Variants in SLC30A4 observed in about 807,000 individuals in gnomAD.
The protein encoded by SLC30A4 is probable proton-coupled zinc antiporter SLC30A4.
In SLC30A4, 20 loss-of-function variants were observed where a neutral mutation model predicts 41.7. That is an observed-to-expected ratio of 0.48 (90% CI 0.34 to 0.70). SLC30A4 has a LOEUF of 0.70. Ranked by LOEUF, SLC30A4 falls within the 30% of genes least tolerant of loss-of-function variation. SLC30A4 has a pLI of 0.01. For synonymous variants in SLC30A4, 181 were observed against 195.9 expected, an observed-to-expected ratio of 0.92 and a Z score of 0.64; for missense variants, 441 against 529.3, an observed-to-expected ratio of 0.83 and a Z score of 1.64.
At chr15:45,520,820 A>G (rs1462168584) in intron 2 of SLC30A4, 2 of 326,434 alleles carry the variant, frequency 6.1e-6, no homozygotes, top group South Asian at 2.6e-5. Context: ...ATTCTCATAC[A>G]TATGTATGCA....
chr15:45,521,412 A>G (rs1222458998), intron 2 of SLC30A4, among the ~76,000 whole-genome samples: 2 of 152,186 alleles, frequency 1.3e-5, no homozygotes, highest in African/African-American at 4.8e-5. Flanking sequence ...AAATCGTATA[A>G]AAGAAACCAC....
At chr15:45,486,029 C>T (rs576491502) in intron 7 of SLC30A4, among the ~76,000 whole-genome samples, 1 of 148,834 alleles carries the variant, frequency 6.7e-6, no homozygotes, top group Non-Finnish European at 1.5e-5. Context: ...GGGAAATATT[C>T]TTTTTTTTTC....
intron 2 of SLC30A4, among the ~76,000 whole-genome samples, chr15:45,515,395 C>T (rs775922442): frequency 9.2e-5 from 14 of 152,028 alleles, no homozygotes; most frequent in Non-Finnish European, 1.9e-4. Flanking sequence ...TGGCTCACAC[C>T]TGTAATCCCA....
chr15:45,494,572 C>A (rs184231389), intron 3 of SLC30A4, among the ~76,000 whole-genome samples: 9 of 152,276 alleles, frequency 5.9e-5, no homozygotes, highest in Admixed American at 2.0e-4. Flanking sequence ...GTAATCCCAG[C>A]TACTCAGGAG....
intron 2 of SLC30A4, among the ~76,000 whole-genome samples, chr15:45,512,840 AGTAAGGTT>A (rs1892340224): frequency 6.6e-6 from 1 of 152,154 alleles, no homozygotes; most frequent in African/African-American, 2.4e-5. Context: ...AAAAATGGCT[AGTAAGGTT>A]GGGGCACAGT....
chr15:45,482,929 C>G lies in SLC30A4; in HGVS notation c.*2234G>C, dbSNP rs2140805740. On this transcript the variant is annotated 3_prime_UTR_variant, in exon 8 of 8. Coordinates refer to ENST00000261867, the MANE Select transcript of SLC30A4 (RefSeq NM_013309.6). ...ACAGCCTTACAAGTAGCTGATACTACAGGTGTGCACGACGCCTGGCTGATT... is the reference window on the plus strand; with the variant it reads ...ACAGCCTTACAAGTAGCTGATACTAGAGGTGTGCACGACGCCTGGCTGATT... 1 of 152,276 alleles carries G rather than the reference C, an allele frequency of 6.6e-6. No individual in the cohort carries two copies. The highest frequency in any genetic ancestry group is 2.4e-5 in the African/African-American group (1 of 41,542). The allele number at this position is 152,276 out of a possible 1,614,324, so 9.4% of individuals were successfully genotyped here.
intron 3 of SLC30A4, among the ~76,000 whole-genome samples, chr15:45,505,238 T>TAAAAAAA (rs1209222695): frequency 3.8e-5 from 2 of 53,270 alleles, no homozygotes; most frequent in African/African-American, 1.4e-4. Flanking sequence ...TCTCAAAAAT[T>TAAAAAAA]AAAAAAAAAA....
chr15:45,488,490 T>C (rs189669378), intron 5 of SLC30A4, among the ~76,000 whole-genome samples: 6 of 152,116 alleles, frequency 3.9e-5, no homozygotes, highest in Non-Finnish European at 5.9e-5. Flanking sequence ...TGACAATCAC[T>C]TGAGCCTGGG....
At chr15:45,512,049 T>C (rs1173964650) in intron 2 of SLC30A4, among the ~76,000 whole-genome samples, 2 of 152,196 alleles carry the variant, frequency 1.3e-5, no homozygotes, top group South Asian at 2.1e-4. Context: ...ATATAAAATA[T>C]GTAAAAATTA....
chr15:45,511,179 T>C lies in SLC30A4; in HGVS notation c.497A>G (p.Lys166Arg), dbSNP rs1292529250. Residue 166 changes from lysine (K) to arginine (R), a missense_variant, in exon 3 of 8, where the codon AAA (lysine) becomes AGA (arginine). By Grantham distance (26) the Lys-to-Arg change is conservative (BLOSUM62 2). Coordinates refer to ENST00000261867, the MANE Select transcript of SLC30A4 (RefSeq NM_013309.6). Reference protein sequence around the residue: ...LTLLALWLSSKSPTKRFTFGF... With the variant: ...LTLLALWLSSRSPTKRFTFGF... The stretch of plus-strand genomic sequence containing the variant: ...AAAGGTGAATCTTTTGGTTGGTGAT[T>C]TTGATGATAGCCACAAAGCAAGCAG... The C allele has an allele frequency of 2.5e-6, 4 of 1,613,946 alleles. No individual in the cohort carries two copies. Among genetic ancestry groups the C allele is most frequent in the Non-Finnish European group, 2.5e-6 (3 of 1,179,898 alleles).
chr15:45,517,345 CTTTTTTTTT>C (rs1166130286), intron 2 of SLC30A4, among the ~76,000 whole-genome samples: 2 of 65,574 alleles, frequency 3.0e-5, no homozygotes, highest in African/African-American at 1.2e-4. Flanking sequence ...CCAATCCATT[CTTTTTTTTT>C]TTTTTTTTTT....
chr15:45,500,171 G>T (rs1026110075), intron 3 of SLC30A4, among the ~76,000 whole-genome samples: 2 of 152,180 alleles, frequency 1.3e-5, no homozygotes, highest in Non-Finnish European at 2.9e-5. Flanking sequence ...GGAGCATCTT[G>T]AGAGATATGA....
intron 2 of SLC30A4, among the ~76,000 whole-genome samples, chr15:45,517,432 C>T (rs1892517675): frequency 6.9e-6 from 1 of 144,724 alleles, no homozygotes; most frequent in Admixed American, 7.2e-5. Context: ...CGGCTCACCA[C>T]AACCTCCGCC....
rs1449446670 is a variant in SLC30A4, at chr15:45,522,040, C to T, written c.315G>A (p.Leu105=). ...ACCTGGCTTTCACCTTTCTCTGCTT[C>T]AGTATCTCTCTCTGTTTGCTGCAGT... ...CDNCSKQREI[L]KQRKVKARLT... is the part of the protein sequence containing the mutation. Residue 105 remains leucine (L), a synonymous_variant, in exon 2 of 8, where the codon CTG becomes CTA. Transcript: ENST00000261867. 1 of 1,614,220 alleles carries T rather than the reference C, an allele frequency of 6.2e-7. No homozygotes were observed.
At position 45,483,587 on chromosome 15, in the gene SLC30A4, T is replaced by C. The variant is rs1891642360; in HGVS notation, c.*1576A>G. 1 of 152,078 alleles carries C rather than the reference T, an allele frequency of 6.6e-6. No individual in the cohort carries two copies. The highest frequency in any genetic ancestry group is 1.5e-5 in the Non-Finnish European group (1 of 68,010). 9.4% of individuals were successfully genotyped at this position (152,078 alleles called of 1,614,324 possible). A position where few individuals can be genotyped will look rare whatever the true frequency, so the allele number is the denominator to read the frequency against. On this transcript the variant is annotated 3_prime_UTR_variant, in exon 8 of 8. Coordinates refer to ENST00000261867, the MANE Select transcript of SLC30A4 (RefSeq NM_013309.6). ...TATCTAGTGCTTTAAAACACACACA[T>C]ACAGGCCAGGCATGGTGGCTCATGC...
Position 45,487,558 on chromosome 15 carries a change from G to T in SLC30A4, c.969C>A (p.Ile323=). Residue 323 remains isoleucine (I), a synonymous_variant, in exon 6 of 8, where the codon ATC becomes ATA. Transcript: ENST00000261867. ...SLLVAFTTFR[I]IWDTVVIILE... is the part of the protein sequence containing the mutation. ...GTATTATAACTACTGTATCCCATATGATTCGAAATGTTGTAAAAGCCACAA... is the reference window on the plus strand; with the variant it reads ...GTATTATAACTACTGTATCCCATATTATTCGAAATGTTGTAAAAGCCACAA... The T allele has an allele frequency of 6.5e-7, 1 of 1,548,360 alleles. No homozygotes were observed. The highest frequency in any genetic ancestry group is 1.1e-5 in the South Asian group (1 of 89,494).
chr15:45,516,045 A>G (rs1441104659), intron 2 of SLC30A4, among the ~76,000 whole-genome samples: 1 of 152,120 alleles, frequency 6.6e-6, no homozygotes, highest in Non-Finnish European at 1.5e-5. Flanking sequence ...GACTACAGGC[A>G]TGAGCTACTG....
In SLC30A4 at chr15:45,484,095, A is replaced by G. The variant is rs1344036603; in HGVS notation, c.*1068T>C. On this transcript the variant is annotated 3_prime_UTR_variant, in exon 8 of 8. Transcript: ENST00000261867. ...AAACATAACCCATATCATAAAACAT[A>G]AAATTCTCTCTGGATTAATGTTGTT... is the stretch of plus-strand genomic sequence containing the variant. 6.6e-6 allele frequency: 1 copy of G among 152,630 alleles called. No homozygotes were observed. The highest frequency in any genetic ancestry group is 1.5e-5 in the Non-Finnish European group (1 of 68,042). 9.5% of individuals were successfully genotyped at this position (152,630 alleles called of 1,614,324 possible).
At chr15:45,485,640 CTG>C (rs985549074) in intron 7 of SLC30A4, among the ~76,000 whole-genome samples, 18 of 151,914 alleles carry the variant, frequency 1.2e-4, no homozygotes, top group African/African-American at 4.3e-4. Flanking sequence ...TAGCATCAAT[CTG>C]TGAAATGACT....
Sources: gnomAD v4.1 joint callset for allele counts (sites outside exome capture counted in the v4.1 genomes callset) on GRCh38, gnomAD v4.1.1 for gene constraint, MANE v1.5 for transcripts, NCBI Gene and HGNC (gene_info 2026-07-23, HGNC 2026-07-21) for gene names.